TENM1: variants seen among roughly 807,000 people sequenced by gnomAD.
TENM1 encodes the protein teneurin-1.
Under a neutral mutation model 174.8 loss-of-function variants are expected in TENM1, and 35 were observed. The ratio of observed to expected loss-of-function variants is 0.20; its 90% CI spans 0.15 to 0.27. The LOEUF (loss-of-function observed/expected upper bound fraction) is 0.27, where lower values mean the gene tolerates loss of function less well. Among genes scored for constraint, TENM1 ranks in the 10% least tolerant of loss-of-function variants. TENM1 has a pLI of 1.00. For missense variants in TENM1, 1,633 were observed against 2,130.1 expected (o/e 0.77, Z 4.59); for synonymous variants, 781 against 798.7 (o/e 0.98, Z 0.37).
chrX:124,934,336 T>C (rs1387469945), intron 1 of TENM1, among the ~76,000 whole-genome samples: 2 of 112,128 alleles, frequency 1.8e-5, no homozygotes, highest in Admixed American at 1.9e-4. Flanking sequence ...ATAATGAAAA[T>C]GCAATTCTTA....
At position 124,712,431 on chromosome X, in the gene TENM1, G is replaced by A. The variant is rs536167252; in HGVS notation, c.777-7180C>T. ...TGATATCTCATTGTGGTTTTGATTT[G>A]CATGTCTCTGATGAATAGGGATTTT... On this transcript the variant is annotated intron_variant, in intron 4 of 31. Coordinates refer to ENST00000422452, the Ensembl canonical transcript of TENM1. 4.5e-5 allele frequency among the ~76,000 whole-genome samples: 5 copies of A among 110,629 alleles called. No individual in the cohort carries two copies. In the South Asian group the frequency reaches 2.0e-3, roughly 43 times the overall value.
Position 124,590,817 on chromosome X carries a change from T to C in TENM1, c.2078-25257A>G, listed in dbSNP as rs185539901. Among the ~76,000 whole-genome samples the C allele has an allele frequency of 8.9e-5, 10 of 112,097 alleles. No individual in the cohort carries two copies. In the East Asian group the frequency reaches 2.5e-3, roughly 28 times the overall value. On this transcript the variant is annotated intron_variant, in intron 11 of 31. Transcript: ENST00000422452. ...TTTTCTGTCTCAATTATCTGTTTAATGTTGTCAGTGGGGTGTTGAAGAACC... is the reference window on the plus strand; with the variant it reads ...TTTTCTGTCTCAATTATCTGTTTAACGTTGTCAGTGGGGTGTTGAAGAACC...
chrX:124,948,768 G>T (rs1374600780), intron 1 of TENM1, among the ~76,000 whole-genome samples: 2 of 111,873 alleles, frequency 1.8e-5, no homozygotes, highest in Admixed American at 9.5e-5. Flanking sequence ...TGGCCAGGTT[G>T]GTCTCGAACT....
At chrX:124,703,796 T>C (rs151236614) in intron 5 of TENM1, among the ~76,000 whole-genome samples, 63 of 112,256 alleles carry the variant, frequency 5.6e-4, no homozygotes, top group African/African-American at 2.0e-3. Context: ...TATCCTGAAA[T>C]GTCTGAGATA....
chrX:124,989,294 C>A, the TENM1 span, among the ~76,000 whole-genome samples: 1 of 111,518 alleles, frequency 9.0e-6, no homozygotes, highest in East Asian at 2.8e-4. Context: ...CCAATTATAG[C>A]ATCAAAAAGC....
In TENM1 at chrX:124,471,448, C is replaced by A. The variant is rs1459675231; in HGVS notation, c.3949+10284G>T. ...ATTATATATTATATAATATATAGTA[C>A]TATATATAATACTATATATAATATA... On this transcript the variant is annotated intron_variant, in intron 22 of 31. Transcript: ENST00000422452. Among the ~76,000 whole-genome samples the A allele has an allele frequency of 9.1e-5, 3 of 33,142 alleles. 1 individual carries two copies. The highest frequency in any genetic ancestry group is 5.2e-4 in the African/African-American group (3 of 5,789). The allele number at this position is 33,142 out of a possible 115,157, so 28.8% of individuals were successfully genotyped here.
At chrX:124,500,528 A>T (rs2047306038) in intron 19 of TENM1, among the ~76,000 whole-genome samples, 1 of 111,675 alleles carries the variant, frequency 9.0e-6, no homozygotes, top group Non-Finnish European at 1.9e-5. Flanking sequence ...GAATCCAATG[A>T]TCCTAGGACA....
chrX:124,561,891 T>A, intron 13 of TENM1, 74 bp from the exon 17 acceptor site: 1 of 1,037,371 alleles, frequency 9.6e-7, no homozygotes, highest in Non-Finnish European at 1.3e-6. Context: ...TATTTGCCTA[T>A]AGGGAAGCAT....
At chrX:124,765,082 C>CCCCAATA (rs1471476138) in intron 3 of TENM1, among the ~76,000 whole-genome samples, 1 of 111,194 alleles carries the variant, frequency 9.0e-6, no homozygotes, top group Non-Finnish European at 1.9e-5. Context: ...CCTATTATGC[C>CCCCAATA]CCCAATACCT....
At chrX:124,951,943 G>C (rs774635525) in intron 1 of TENM1, among the ~76,000 whole-genome samples, 8 of 109,810 alleles carry the variant, frequency 7.3e-5, no homozygotes, top group Non-Finnish European at 1.5e-4. Flanking sequence ...AGATGCTTTG[G>C]TACTGCCAAT....
chrX:124,653,841 G>A, intron 6 of TENM1, 58 bp from the exon 10 acceptor site: 1 of 997,010 alleles, frequency 1.0e-6, no homozygotes, highest in East Asian at 3.1e-5. Flanking sequence ...ATAAAGCAAT[G>A]GTTTTTAGCT....
At chrX:124,403,330 C>A (rs186959741) in intron 27 of TENM1, among the ~76,000 whole-genome samples, 1 of 109,088 alleles carries the variant, frequency 9.2e-6, no homozygotes, top group East Asian at 2.9e-4. Context: ...ACCATCCTGG[C>A]GAACACGGTG....
intron 18 of TENM1, among the ~76,000 whole-genome samples, chrX:124,514,624 C>G (rs963335598): frequency 1.8e-5 from 2 of 110,461 alleles, no homozygotes; most frequent in Non-Finnish European, 3.8e-5. Context: ...AAGATTGAAC[C>G]AGGAAGAAAT....
Position 124,463,168 on chromosome X carries a change from T to C in TENM1, c.3950-9677A>G, listed in dbSNP as rs762640687. Among the ~76,000 whole-genome samples, 4 of 112,032 alleles carry C rather than the reference T, an allele frequency of 3.6e-5. No individual in the cohort carries two copies. In the South Asian group the frequency reaches 1.5e-3, roughly 42 times the overall value. The stretch of plus-strand genomic sequence containing the variant: ...CTTCCGACCTTACCATGTTAGGAGT[T>C]CTGAAGAAACAGAAGTGCCTCAGGA... On this transcript the variant is annotated intron_variant, in intron 22 of 31. Transcript: ENST00000422452.
At chrX:125,151,419 T>C in the TENM1 span, among the ~76,000 whole-genome samples, 1 of 111,682 alleles carries the variant, frequency 9.0e-6, no homozygotes, top group South Asian at 3.7e-4. Context: ...ATATTATAGA[T>C]TATTGCTTTG....
chrX:125,169,769 AT>A, the TENM1 span, among the ~76,000 whole-genome samples: 499 of 102,799 alleles, frequency 4.9e-3, 2 homozygotes, highest in African/African-American at 0.013. Context: ...TCATTTCTTC[AT>A]TTTTTTTTTT....
chrX:124,558,214 A>G (rs1403312179), intron 14 of TENM1, among the ~76,000 whole-genome samples: 1 of 111,864 alleles, frequency 8.9e-6, no homozygotes, highest in East Asian at 2.8e-4. Flanking sequence ...CCAATTAGTT[A>G]CTGAGAATCA....
At chrX:124,921,145 T>C (rs1224884163) in intron 1 of TENM1, among the ~76,000 whole-genome samples, 2 of 110,322 alleles carry the variant, frequency 1.8e-5, no homozygotes, top group Non-Finnish European at 3.8e-5. Context: ...TATTGCTGCT[T>C]ATTTCTCTTT....
intron 1 of TENM1, among the ~76,000 whole-genome samples, chrX:124,920,051 G>T (rs1156681701): frequency 1.8e-5 from 2 of 111,218 alleles, no homozygotes; most frequent in Non-Finnish European, 3.8e-5. Context: ...ATTTTAGAAA[G>T]ATTTTCAACA....
Sources: gnomAD v4.1 joint callset for allele counts (sites outside exome capture counted in the v4.1 genomes callset) on GRCh38, gnomAD v4.1.1 for gene constraint, MANE v1.5 for transcripts, NCBI Gene and HGNC (gene_info 2026-07-23, HGNC 2026-07-21) for gene names.